MYO18B: variants seen among roughly 807,000 people sequenced by gnomAD.
MYO18B encodes myosin XVIIIB.
In MYO18B, 204 loss-of-function variants were observed where a neutral mutation model predicts 273.0. That is an observed-to-expected ratio of 0.75 (90% CI 0.67 to 0.84). The LOEUF (loss-of-function observed/expected upper bound fraction) is 0.84. MYO18B is among the 40% of genes least tolerant of loss of function. MYO18B has a pLI of 0.00. For missense variants in MYO18B, 3,212 were observed against 3,287.6 expected (o/e 0.98, Z 0.56); for synonymous variants, 1,330 against 1,305.7 (o/e 1.02, Z -0.40).
rs1236532852 is a variant in MYO18B, at chr22:26,027,981, C to T, written c.*12+291C>T. On this transcript the variant is annotated intron_variant, in intron 43 of 43. Coordinates refer to ENST00000335473, the MANE Select transcript of MYO18B (RefSeq NM_032608.7). The surrounding 1 kb of genome is among the most constrained non-coding windows in gnomAD (Gnocchi z 4.1). ...AGATGTAGCCGGGCGCGGTGGCTCACGCCTGTAATCCCAGCACTTTGGGAG... is the reference window on the plus strand; with the variant it reads ...AGATGTAGCCGGGCGCGGTGGCTCATGCCTGTAATCCCAGCACTTTGGGAG... Among the ~76,000 whole-genome samples the T allele has an allele frequency of 1.1e-4, 17 of 152,148 alleles. No homozygotes were observed. The highest frequency in any genetic ancestry group is 9.2e-4 in the Admixed American group (14 of 15,272).
At chr22:26,017,676 T>A (rs923925465) in intron 42 of MYO18B, among the ~76,000 whole-genome samples, 14 of 152,244 alleles carry the variant, frequency 9.2e-5, no homozygotes, top group Non-Finnish European at 1.8e-4. Context: ...CATGTGCAGG[T>A]GTGCTACAAA....
intron 13 of MYO18B, among the ~76,000 whole-genome samples, chr22:25,825,198 A>G (rs1028155309): frequency 1.3e-5 from 2 of 152,190 alleles, no homozygotes; most frequent in Non-Finnish European, 2.9e-5. Flanking sequence ...TCTCAGGCTG[A>G]GGTCTCAAGA....
chr22:25,948,854 A>G (rs2092759424), intron 36 of MYO18B, among the ~76,000 whole-genome samples: 1 of 152,042 alleles, frequency 6.6e-6, no homozygotes, highest in African/African-American at 2.4e-5. Flanking sequence ...GGAGTCAGGA[A>G]GGGCTTCCCA....
intron 25 of MYO18B, among the ~76,000 whole-genome samples, chr22:25,887,317 C>T (rs2091529706): frequency 6.6e-6 from 1 of 152,172 alleles, no homozygotes; most frequent in East Asian, 1.9e-4. Context: ...TGTCCTCCAG[C>T]ATTTAACATC....
At position 25,955,365 on chromosome 22, in the gene MYO18B, G is replaced by A. The variant is rs758911181; in HGVS notation, c.6156+1G>A. 2.5e-6 allele frequency: 4 copies of A among 1,611,906 alleles called. No homozygotes were observed. The highest frequency in any genetic ancestry group is 3.4e-6 in the Non-Finnish European group (4 of 1,179,008). ...GGCCAGCCGGCGGTGCATGGAGCTG[G>A]TGAGTCCTGTCCCCATCATGGGCTC... On this transcript the variant is annotated splice_donor_variant, in intron 39 of 43. Transcript: ENST00000335473. LOFTEE classifies it high-confidence loss of function.
At chr22:25,948,089 A>AC (rs1374345893) in intron 36 of MYO18B, among the ~76,000 whole-genome samples, 1 of 152,068 alleles carries the variant, frequency 6.6e-6, no homozygotes, top group African/African-American at 2.4e-5. Flanking sequence ...CCATCCACCC[A>AC]CCCATCGATC....
downstream of MYO18B, among the ~76,000 whole-genome samples, chr22:26,033,844 CCTTT>C (rs942255262): frequency 2.6e-4 from 39 of 147,726 alleles, 1 homozygote; most frequent in South Asian, 2.8e-3. Context: ...TTCTTTCTTT[CCTTT>C]CTTTTTCTCT....
chr22:25,747,700 G>A (rs539345940), intron 1 of MYO18B, among the ~76,000 whole-genome samples: 42 of 152,232 alleles, frequency 2.8e-4, no homozygotes, highest in Non-Finnish European at 4.4e-4. Context: ...CTACTGGCTG[G>A]TCAGCCACTG....
intron 17 of MYO18B, among the ~76,000 whole-genome samples, chr22:25,839,141 T>C (rs1288882843): frequency 6.6e-6 from 1 of 152,018 alleles, no homozygotes. Flanking sequence ...TGTATATGTG[T>C]ATGAGTGTGT....
At chr22:25,861,735 G>A (rs981053250) in intron 21 of MYO18B, among the ~76,000 whole-genome samples, 1 of 152,054 alleles carries the variant, frequency 6.6e-6, no homozygotes, top group African/African-American at 2.4e-5. Context: ...CTTCTTTTGT[G>A]TAAACTAGGT....
At chr22:26,019,777 G>C (rs1386263441) in intron 42 of MYO18B, among the ~76,000 whole-genome samples, 1 of 152,182 alleles carries the variant, frequency 6.6e-6, no homozygotes, top group Non-Finnish European at 1.5e-5. Flanking sequence ...GATTCACGGT[G>C]TCATTAAATC....
intron 42 of MYO18B, among the ~76,000 whole-genome samples, chr22:26,025,587 T>G (rs1462299509): frequency 6.6e-6 from 1 of 152,174 alleles, no homozygotes; most frequent in South Asian, 2.1e-4. Flanking sequence ...ATTTGGCAAC[T>G]TTTTTACTTT....
the MYO18B span, among the ~76,000 whole-genome samples, chr22:26,061,062 T>C: frequency 8.7e-6 from 1 of 114,880 alleles, no homozygotes; most frequent in South Asian, 2.6e-4. Context: ...ACTGTGAACC[T>C]TCTGTAGCCC....
intron 21 of MYO18B, among the ~76,000 whole-genome samples, chr22:25,866,899 T>G (rs117759908): frequency 1.6e-3 from 246 of 152,158 alleles, no homozygotes; most frequent in Non-Finnish European, 3.0e-3. Context: ...TGTCATTTAT[T>G]TAGCAAATAT....
At position 25,931,675 on chromosome 22, in the gene MYO18B, T is replaced by G. The variant is rs545712287; in HGVS notation, c.5517+10266T>G. 5.0e-4 allele frequency among the ~76,000 whole-genome samples: 74 copies of G among 146,958 alleles called. 1 individual carries two copies. In the East Asian group the frequency reaches 9.6e-3, roughly 19 times the overall value. On this transcript the variant is annotated intron_variant, in intron 34 of 43. Transcript: ENST00000335473. ...GTATTATGCCTTTTCTTTTTTTTTC[T>G]TTTTTCTTTTTTTTTTTTTTTTTTT...
intron 26 of MYO18B, 118 bp downstream of exon 26, chr22:25,890,993 A>G: frequency 7.1e-7 from 1 of 1,407,166 alleles, no homozygotes; most frequent in Middle Eastern, 2.5e-4. Context: ...AGGTTGACTG[A>G]CTGCTGGGCT....
intron 39 of MYO18B, among the ~76,000 whole-genome samples, chr22:25,961,346 A>T (rs1187928073): frequency 6.6e-6 from 1 of 151,982 alleles, no homozygotes; most frequent in East Asian, 1.9e-4. Flanking sequence ...ACCTCTCTAG[A>T]TTTTTCCACC....
At chr22:25,912,486 G>T (rs897300191) in intron 33 of MYO18B, among the ~76,000 whole-genome samples, 3 of 152,180 alleles carry the variant, frequency 2.0e-5, no homozygotes, top group African/African-American at 4.8e-5. Context: ...TAAAGAGAAG[G>T]TAAGTTTAAA....
chr22:25,836,591 G>A (rs2089907788), intron 17 of MYO18B, among the ~76,000 whole-genome samples: 1 of 152,142 alleles, frequency 6.6e-6, no homozygotes, highest in African/African-American at 2.4e-5. Flanking sequence ...GAGGAGAGAA[G>A]GGTCAAAAGA....
Sources: gnomAD v4.1 joint callset for allele counts (sites outside exome capture counted in the v4.1 genomes callset) on GRCh38, gnomAD v4.1.1 for gene constraint, Gnocchi (gnomAD v3.1) non-coding constraint, MANE v1.5 for transcripts, NCBI Gene and HGNC (gene_info 2026-07-23, HGNC 2026-07-21) for gene names.